The following RBMS3 variants were observed in gnomAD, a reference collection of about 807,000 sequenced individuals.
RBMS3 encodes the protein RNA binding motif single stranded interacting protein 3, also known as RNA-binding motif, single-stranded-interacting protein 3.
RBMS3 carries 27 observed loss-of-function variants against 66.8 expected under a neutral mutation model. The ratio of observed to expected loss-of-function variants is 0.40; its 90% CI spans 0.30 to 0.56. RBMS3 has a LOEUF of 0.56. Ranked by LOEUF, RBMS3 falls within the 20% of genes least tolerant of loss-of-function variation. The pLI is 0.40. For missense variants in RBMS3, 513 were observed against 549.5 expected, an observed-to-expected ratio of 0.93 and a Z score of 0.66; for synonymous variants, 188 against 183.0, an observed-to-expected ratio of 1.03 and a Z score of -0.22.
chr3:29,743,900 C>T (rs2054752934), intron 5 of RBMS3, among the ~76,000 whole-genome samples: 2 of 112,790 alleles, frequency 1.8e-5, no homozygotes, highest in Admixed American at 2.0e-4. Context: ...CCCCCCTCCC[C>T]CCACCCCACA....
At chr3:29,912,015 T>C (rs2149633975) in intron 10 of RBMS3, among the ~76,000 whole-genome samples, 1 of 150,490 alleles carries the variant, frequency 6.6e-6, no homozygotes, top group African/African-American at 2.5e-5. Context: ...AAATAGATGA[T>C]AGAATGGGTG....
At chr3:29,824,976 G>A (rs1413960781) in intron 6 of RBMS3, among the ~76,000 whole-genome samples, 1 of 151,532 alleles carries the variant, frequency 6.6e-6, no homozygotes, top group Non-Finnish European at 1.5e-5. Flanking sequence ...AGTAAATGAG[G>A]ACATTATTCA....
In RBMS3 at chr3:29,310,356, A is replaced by G. The variant is rs1037630211; in HGVS notation, c.75+28600A>G. Among the ~76,000 whole-genome samples, 3 of 151,834 alleles carry G rather than the reference A, an allele frequency of 2.0e-5. No individual in the cohort carries two copies. In the South Asian group the frequency reaches 6.2e-4, roughly 31 times the overall value. On this transcript the variant is annotated intron_variant, in intron 1 of 14. Transcript: ENST00000383767. ...GAGGCAAAGTCAAATTTGTCTTTCT[A>G]GTAAAACTTCAGGCTTTATAGTTCA... is the stretch of plus-strand genomic sequence containing the variant.
chr3:29,623,262 A>C (rs1306122815), intron 4 of RBMS3, among the ~76,000 whole-genome samples: 1 of 152,092 alleles, frequency 6.6e-6, no homozygotes, highest in African/African-American at 2.4e-5. Flanking sequence ...TACTTTAAAT[A>C]TACGCCGAGT....
rs2031804595 is a variant in RBMS3 at position 29,281,751 on chromosome 3, A to G, written c.70A>G (p.Thr24Ala). The G allele has an allele frequency of 6.2e-7, 1 of 1,612,080 alleles. No individual in the cohort carries two copies. Among genetic ancestry groups the G allele is most frequent in the Admixed American group, 1.7e-5 (1 of 59,876 alleles). Residue 24 changes from threonine to alanine, a missense_variant, in exon 1 of 15, where the codon ACC (threonine) becomes GCC (alanine). Coordinates refer to ENST00000383767, the MANE Select transcript of RBMS3 (RefSeq NM_001003793.3). The part of the protein sequence containing the change: ...YTYYYPHYLQ[T>A]KQSYAPAPHP... ...TTACTACTATCCTCATTATCTCCAA[A>G]CCAAGGTATGGCTTGACCCACGGTC...
intron 1 of RBMS3, among the ~76,000 whole-genome samples, chr3:29,338,233 G>A (rs992868601): frequency 5.9e-5 from 9 of 152,030 alleles, no homozygotes; most frequent in African/African-American, 2.2e-4. Context: ...CAGTTATAAA[G>A]TATCAATTCT....
intron 6 of RBMS3, among the ~76,000 whole-genome samples, chr3:29,788,176 TC>T (rs1316205718): frequency 6.6e-6 from 1 of 150,502 alleles, no homozygotes; most frequent in Non-Finnish European, 1.5e-5. Flanking sequence ...TCTTTTTTTT[TC>T]ACTTAGCAAT....
intron 12 of RBMS3, among the ~76,000 whole-genome samples, chr3:29,973,501 G>A (rs969192799): frequency 2.6e-5 from 4 of 151,914 alleles, no homozygotes; most frequent in African/African-American, 9.7e-5. Context: ...GTTTTATCAT[G>A]TCCTATTACC....
At chr3:29,389,462 T>G (rs1324129119) in intron 1 of RBMS3, among the ~76,000 whole-genome samples, 1 of 152,178 alleles carries the variant, frequency 6.6e-6, no homozygotes, top group African/African-American at 2.4e-5. Flanking sequence ...TTGAGGGATG[T>G]TCACAATGCA....
intron 4 of RBMS3, among the ~76,000 whole-genome samples, chr3:29,592,249 A>G (rs557075722): frequency 2.0e-5 from 3 of 152,174 alleles, no homozygotes; most frequent in South Asian, 2.1e-4. Flanking sequence ...CAGTGAAGCC[A>G]TATCAGTTAT....
chr3:29,460,589 A>G (rs2042339744), intron 2 of RBMS3, among the ~76,000 whole-genome samples: 1 of 152,250 alleles, frequency 6.6e-6, no homozygotes, highest in African/African-American at 2.4e-5. Context: ...GCACTAAGTG[A>G]CAACATGAAG....
intron 6 of RBMS3, among the ~76,000 whole-genome samples, chr3:29,837,663 C>CATATAT (rs3070797): frequency 0.012 from 814 of 67,478 alleles, 33 homozygotes; most frequent in East Asian, 0.024. Context: ...ATATAATGAA[C>CATATAT]ATATATATAT....
rs565483959 is a variant in RBMS3, at chr3:29,800,236, C to G, written c.637+37247C>G. Among the ~76,000 whole-genome samples the G allele has an allele frequency of 4.7e-5, 7 of 149,428 alleles. No individual in the cohort carries two copies. The South Asian group carries it at 1.1e-3, about 22-fold the overall frequency. On this transcript the variant is annotated intron_variant, in intron 6 of 14. Transcript: ENST00000383767. ...GAAAGGCCTTAATTTTTTTTTTTTA[C>G]CATTATAGCATTTCCCCCTCCTCCA...
In RBMS3 at chr3:29,590,575, T is replaced by A. The variant is rs184410077; in HGVS notation, c.399+3370T>A. ...GGAGAATGAAGATTGAATAAAAAAT[T>A]CTTTTTTTTTCTGAATGTTTAACAC... On this transcript the variant is annotated intron_variant, in intron 4 of 14. Coordinates refer to ENST00000383767, the MANE Select transcript of RBMS3 (RefSeq NM_001003793.3). Among the ~76,000 whole-genome samples, 76 of 151,456 alleles carry A rather than the reference T, an allele frequency of 5.0e-4. 1 individual carries two copies. Among genetic ancestry groups the A allele is most frequent in the African/African-American group, 1.9e-3 (76 of 40,878 alleles).
At chr3:29,588,419 T>C (rs539456311) in intron 4 of RBMS3, among the ~76,000 whole-genome samples, 1 of 152,238 alleles carries the variant, frequency 6.6e-6, no homozygotes, top group South Asian at 2.1e-4. Context: ...GTTATTTAGA[T>C]TTTGTTGAGA....
chr3:29,320,566 A>C (rs1203953084), intron 1 of RBMS3, among the ~76,000 whole-genome samples: 2 of 152,086 alleles, frequency 1.3e-5, no homozygotes, highest in Non-Finnish European at 2.9e-5. Flanking sequence ...CGAGAAAAAC[A>C]GTCAAAGAGA....
chr3:29,609,569 A>G (rs2048426509), intron 4 of RBMS3, among the ~76,000 whole-genome samples: 1 of 151,950 alleles, frequency 6.6e-6, no homozygotes, highest in South Asian at 2.1e-4. Context: ...TACACAAATA[A>G]TACTAGTGCC....
At chr3:29,937,157 C>T (rs1189474067) in intron 11 of RBMS3, among the ~76,000 whole-genome samples, 2 of 151,890 alleles carry the variant, frequency 1.3e-5, no homozygotes, top group Non-Finnish European at 2.9e-5. Flanking sequence ...CTTGCGTAAG[C>T]CCTGTAGTTT....
chr3:29,862,647 G>A (rs887631493), intron 6 of RBMS3, among the ~76,000 whole-genome samples: 8 of 152,118 alleles, frequency 5.3e-5, no homozygotes, highest in African/African-American at 1.7e-4. Context: ...GTTCGGAAAA[G>A]AAATTCCAGG....
Sources: gnomAD v4.1 joint callset for allele counts (sites outside exome capture counted in the v4.1 genomes callset) on GRCh38, gnomAD v4.1.1 for gene constraint, MANE v1.5 for transcripts, NCBI Gene and HGNC (gene_info 2026-07-23, HGNC 2026-07-21) for gene names.